The following ARHGAP42 variants were observed in gnomAD, a reference collection of about 807,000 sequenced individuals.
ARHGAP42 encodes rho GTPase-activating protein 42.
A neutral mutation model predicts 125.0 loss-of-function variants in ARHGAP42; 63 were observed. The ratio of observed to expected loss-of-function variants is 0.50; its 90% CI spans 0.41 to 0.62. The LOEUF (loss-of-function observed/expected upper bound fraction) is 0.62. Ranked by LOEUF, ARHGAP42 falls within the 20% of genes least tolerant of loss-of-function variation. The pLI, the probability that ARHGAP42 is intolerant of heterozygous loss-of-function variation, is 0.00. For synonymous variants in ARHGAP42, 339 were observed against 351.0 expected (o/e 0.97, Z 0.38); for missense variants, 766 against 1,024.2 (o/e 0.75, Z 3.44).
intron 6 of ARHGAP42, among the ~76,000 whole-genome samples, chr11:100,930,397 G>A (rs1315719470): frequency 6.6e-6 from 1 of 152,150 alleles, no homozygotes; most frequent in Admixed American, 6.6e-5. Flanking sequence ...ATTTCATAAT[G>A]CAATCTTCAA....
chr11:100,862,102 G>T (rs1282852134), intron 4 of ARHGAP42, among the ~76,000 whole-genome samples: 1 of 152,148 alleles, frequency 6.6e-6, no homozygotes, highest in African/African-American at 2.4e-5. Context: ...TTATTGGCGG[G>T]GACTTTCAGT....
At chr11:100,924,984 AC>A (rs1359534848) in intron 6 of ARHGAP42, among the ~76,000 whole-genome samples, 4 of 151,854 alleles carry the variant, frequency 2.6e-5, no homozygotes, top group Admixed American at 2.6e-4. Flanking sequence ...GGTGTGCACC[AC>A]CACACCTGGC....
chr11:100,839,869 T>G (rs1256615057), intron 3 of ARHGAP42: 1 of 152,104 alleles, frequency 6.6e-6, no homozygotes, highest in Non-Finnish European at 1.5e-5. Flanking sequence ...TTCAAATAAT[T>G]GGTGATTCTT....
intron 3 of ARHGAP42, among the ~76,000 whole-genome samples, chr11:100,803,235 A>G (rs1307069801): frequency 4.0e-5 from 6 of 151,602 alleles, no homozygotes; most frequent in Non-Finnish European, 8.8e-5. Context: ...AATTGGATAG[A>G]TTTAGATGCG....
In ARHGAP42 at chr11:100,900,279, G is replaced by T. The variant is rs138802544; in HGVS notation, c.385-13173G>T. Among the ~76,000 whole-genome samples the T allele has an allele frequency of 3.2e-3, 495 of 152,332 alleles. 3 individuals are homozygous for T. The highest frequency in any genetic ancestry group is 0.011 in the African/African-American group (461 of 41,586). On this transcript the variant is annotated intron_variant, in intron 4 of 23. Transcript: ENST00000298815. ...TAGAGTTTCTGCCAAGAGTTCTCCTGCTAATCTGATGGGCTTCCCTTAGTG... is the reference window on the plus strand; with the variant it reads ...TAGAGTTTCTGCCAAGAGTTCTCCTTCTAATCTGATGGGCTTCCCTTAGTG...
In ARHGAP42 at chr11:100,790,553, G is replaced by C. The variant is rs567154729; in HGVS notation, c.251-4552G>C. 6.6e-5 allele frequency among the ~76,000 whole-genome samples: 10 copies of C among 152,308 alleles called. No homozygotes were observed. In the East Asian group the frequency reaches 1.9e-3, roughly 29 times the overall value. On this transcript the variant is annotated intron_variant, in intron 2 of 23. Coordinates refer to ENST00000298815, the MANE Select transcript of ARHGAP42 (RefSeq NM_152432.4). ...AATATAGTCAGGAAAGTTTCATGCA[G>C]GTGGCAGGAATTTAGATAGCTAACA...
chr11:100,982,372 A>C (rs1485537020), intron 22 of ARHGAP42, among the ~76,000 whole-genome samples: 1 of 152,196 alleles, frequency 6.6e-6, no homozygotes, highest in Non-Finnish European at 1.5e-5. Context: ...CACAATGTCC[A>C]AGACTGAGGC....
chr11:100,910,724 T>C (rs1866889399), intron 4 of ARHGAP42, among the ~76,000 whole-genome samples: 1 of 145,982 alleles, frequency 6.9e-6, no homozygotes, highest in Admixed American at 6.9e-5. Flanking sequence ...AAGTGCTTTT[T>C]GTTTTCTAGA....
intron 1 of ARHGAP42, among the ~76,000 whole-genome samples, chr11:100,741,593 A>G (rs1433246380): frequency 6.6e-6 from 1 of 152,146 alleles, no homozygotes; most frequent in Non-Finnish European, 1.5e-5. Flanking sequence ...TAGTTACTGT[A>G]GTTACTAAGG....
intron 4 of ARHGAP42, among the ~76,000 whole-genome samples, chr11:100,882,541 G>A: frequency 6.6e-6 from 1 of 151,150 alleles, no homozygotes; most frequent in East Asian, 1.9e-4. Context: ...TATTCTTCAG[G>A]GATATTGGTC....
chr11:100,839,231 G>T (rs1864887197), intron 3 of ARHGAP42, among the ~76,000 whole-genome samples: 1 of 152,126 alleles, frequency 6.6e-6, no homozygotes, highest in Admixed American at 6.6e-5. Flanking sequence ...AGCAGTATCT[G>T]CAAATCCTAA....
At chr11:100,826,832 T>C (rs1365888739) in intron 3 of ARHGAP42, among the ~76,000 whole-genome samples, 3 of 152,126 alleles carry the variant, frequency 2.0e-5, no homozygotes, top group Non-Finnish European at 4.4e-5. Context: ...GCCGTTGGTT[T>C]TCTATACAGA....
At chr11:100,968,164 T>C (rs1041109487) in intron 17 of ARHGAP42, among the ~76,000 whole-genome samples, 6 of 152,248 alleles carry the variant, frequency 3.9e-5, no homozygotes, top group Admixed American at 2.0e-4. Flanking sequence ...ATCCTTTTAC[T>C]TTCAACCTGT....
intron 5 of ARHGAP42, among the ~76,000 whole-genome samples, chr11:100,916,137 C>T (rs1867055775): frequency 6.6e-6 from 1 of 152,114 alleles, no homozygotes. Flanking sequence ...AATCCCAAGG[C>T]CGTCAACTAG....
chr11:100,875,227 AT>A (rs1865793397), intron 4 of ARHGAP42, among the ~76,000 whole-genome samples: 1 of 144,540 alleles, frequency 6.9e-6, no homozygotes, highest in African/African-American at 2.6e-5. Context: ...TATTTATTTT[AT>A]TTTTTATTTA....
chr11:100,779,464 A>T (rs1456145112), intron 2 of ARHGAP42, among the ~76,000 whole-genome samples: 2,632 of 84,330 alleles, frequency 0.031, 112 homozygotes, highest in Middle Eastern at 0.06. Flanking sequence ...AAAAAAAAAA[A>T]AAAATATATA....
intron 4 of ARHGAP42, among the ~76,000 whole-genome samples, chr11:100,867,328 C>T (rs1222936486): frequency 6.6e-6 from 1 of 152,244 alleles, no homozygotes; most frequent in African/African-American, 2.4e-5. Flanking sequence ...GTTTTGTCTA[C>T]ATTGACAATC....
intron 2 of ARHGAP42, among the ~76,000 whole-genome samples, chr11:100,776,484 A>G (rs1863123353): frequency 6.6e-6 from 1 of 152,224 alleles, no homozygotes; most frequent in African/African-American, 2.4e-5. Context: ...AGTGACAGGC[A>G]ATACACTACC....
chr11:100,762,665 G>C (rs889239153), intron 1 of ARHGAP42, among the ~76,000 whole-genome samples: 4 of 152,116 alleles, frequency 2.6e-5, no homozygotes, highest in African/African-American at 9.7e-5. Flanking sequence ...TCAAGTAAAT[G>C]TTAGGAATGT....
Sources: allele counts gnomAD v4.1 joint callset (sites outside exome capture counted in the v4.1 genomes callset), GRCh38; gene constraint gnomAD v4.1.1; transcripts MANE v1.5; gene names NCBI Gene and HGNC (gene_info 2026-07-23, HGNC 2026-07-21).